The following NXF3 variants were observed in gnomAD, a reference collection of about 807,000 sequenced individuals.
NXF3 encodes the protein nuclear RNA export factor 3.
A neutral mutation model predicts 48.4 loss-of-function variants in NXF3; 34 were observed. That is an observed-to-expected ratio of 0.70 (90% CI 0.53 to 0.93). The LOEUF (loss-of-function observed/expected upper bound fraction) is 0.93, where lower values mean the gene tolerates loss of function less well. Ranked by LOEUF, NXF3 falls within the 40% of genes least tolerant of loss-of-function variation. The pLI, the probability that NXF3 is intolerant of heterozygous loss-of-function variation, is 0.00. For missense variants in NXF3, 359 were observed against 406.1 expected (o/e 0.88, Z 1.00); for synonymous variants, 132 against 145.7 (o/e 0.91, Z 0.68).
At chrX:103,086,529 G>A (rs1200033108) in intron 1 of NXF3, among the ~76,000 whole-genome samples, 1 of 110,221 alleles carries the variant, frequency 9.1e-6, no homozygotes, top group Non-Finnish European at 1.9e-5. Flanking sequence ...CATTTCAAAG[G>A]AGAGGTGTGG....
chrX:103,084,755 C>T lies in NXF3; in HGVS notation c.157G>A (p.Ala53Thr). ...SSSHQQQDGD[A>T]AMHGAHMDSP... ...TCCATGTGGGCACCATGCATTGCTG[C>T]ATCTCCATCTTGCTGCTGATGGGAT... is the stretch of plus-strand genomic sequence containing the variant. The change falls in exon 2 of 20, where the codon GCA becomes ACA. Residue 53 changes from alanine to threonine, a missense_variant. Coordinates refer to ENST00000395065, the MANE Select transcript of NXF3 (RefSeq NM_022052.2). 8.3e-7 allele frequency: 1 copy of T among 1,211,863 alleles called. No homozygotes were observed.
intron 2 of NXF3, 26 bp downstream of exon 2, chrX:103,084,689 A>C (rs1289817154): frequency 5.0e-6 from 6 of 1,198,218 alleles, no homozygotes; most frequent in Non-Finnish European, 6.8e-6. Context: ...GGTACATTCC[A>C]GCCATGCTGA....
intron 1 of NXF3, chrX:103,089,418 G>A: frequency 4.3e-6 from 1 of 234,863 alleles, no homozygotes. Flanking sequence ...ATAGTAAGGA[G>A]GTAAAATACA....
At chrX:103,091,835 A>G (rs1004170968) in intron 1 of NXF3, among the ~76,000 whole-genome samples, 10 of 109,000 alleles carry the variant, frequency 9.2e-5, no homozygotes, top group African/African-American at 3.3e-4. Context: ...AATACAAAAA[A>G]TTAGCCAGGC....
intron 17 of NXF3, 105 bp downstream of exon 17, chrX:103,078,455 C>T (rs890505017): frequency 1.5e-5 from 17 of 1,113,384 alleles, no homozygotes; most frequent in East Asian, 6.0e-5. Flanking sequence ...ACTAGACTGT[C>T]GGTTTTTTAC....
chrX:103,077,573 C>G, intron 18 of NXF3, 41 bp downstream of exon 18: 1 of 1,204,279 alleles, frequency 8.3e-7, no homozygotes, highest in Middle Eastern at 2.3e-4. Flanking sequence ...TCTGAGGCAA[C>G]TGGTAGTTCA....
chrX:103,080,449 C>T (rs1305934166), intron 10 of NXF3, 127 bp downstream of exon 10: 1 of 725,056 alleles, frequency 1.4e-6, no homozygotes, highest in East Asian at 3.2e-5. Flanking sequence ...ATTCCCTTCC[C>T]CCACTCCCTT....
intron 18 of NXF3, 67 bp downstream of exon 18, chrX:103,077,547 C>T (rs1168261647): frequency 2.9e-5 from 34 of 1,169,377 alleles, no homozygotes; most frequent in Non-Finnish European, 3.9e-5. Flanking sequence ...CCACCGCGCC[C>T]GGCCCAGCAC....
chrX:103,089,128 A>C, intron 1 of NXF3: 1 of 831,634 alleles, frequency 1.2e-6, no homozygotes, highest in African/African-American at 2.0e-5. Flanking sequence ...ATACTGGAAA[A>C]ACACTAACTA....
At chrX:103,087,346 G>A in intron 1 of NXF3, 1 of 1,201,670 alleles carries the variant, frequency 8.3e-7, no homozygotes, top group Non-Finnish European at 1.1e-6. Context: ...CATTCATACT[G>A]GTCAAAAGCC....
intron 1 of NXF3, among the ~76,000 whole-genome samples, chrX:103,085,600 T>A (rs1922124014): frequency 9.0e-6 from 1 of 111,560 alleles, no homozygotes; most frequent in African/African-American, 3.3e-5. Flanking sequence ...AAAGAGAGAA[T>A]TTAAAAAGAT....
chrX:103,088,675 A>T (rs1458007650), intron 1 of NXF3: 2 of 929,123 alleles, frequency 2.2e-6, no homozygotes, highest in African/African-American at 3.9e-5. Flanking sequence ...CCAAACTAAA[A>T]AGACACTATT....
intron 9 of NXF3, 133 bp from the exon 10 acceptor site, chrX:103,080,745 A>T: frequency 1.7e-6 from 1 of 575,485 alleles, no homozygotes. Context: ...CTGCCTCTGC[A>T]GCCCTGGGCA....
At chrX:103,080,903 G>A in intron 9 of NXF3, 1 of 345,988 alleles carries the variant, frequency 2.9e-6, no homozygotes. Context: ...CCGTCAGTCT[G>A]CCTGTCCTGG....
Position 103,079,276 on chromosome X carries a change from A to G in NXF3, c.1336-13T>C. 2.5e-6 allele frequency: 3 copies of G among 1,211,369 alleles called. No individual in the cohort carries two copies. The highest frequency in any genetic ancestry group is 4.6e-4 in the Middle Eastern group (2 of 4,352). ...AGAGCATCCATTCCTGAAAGGGAAG[A>G]TCTCAGGTGCTCAGGATCCCCCTTA... is the stretch of plus-strand genomic sequence containing the variant. On this transcript the variant is annotated splice_polypyrimidine_tract_variant and intron_variant, in intron 15 of 19. Coordinates refer to ENST00000395065, the MANE Select transcript of NXF3 (RefSeq NM_022052.2).
intron 1 of NXF3, among the ~76,000 whole-genome samples, chrX:103,090,625 G>C (rs982892709): frequency 2.7e-5 from 3 of 111,978 alleles, no homozygotes; most frequent in Non-Finnish European, 5.6e-5. Context: ...TTGAGAATGT[G>C]GATAAAAGAA....
chrX:103,082,336 C>T lies in NXF3; in HGVS notation c.809G>A (p.Trp270Ter). 2 of 1,207,342 alleles carry T rather than the reference C, an allele frequency of 1.7e-6. No homozygotes were observed. Among genetic ancestry groups the T allele is most frequent in the Non-Finnish European group, 2.2e-6 (2 of 892,042 alleles). ...CTTCTCTCCTGGCTCTATCCCTTTC[C>T]ACTTGTCCATCTCCCCTGCAGACAT... ...TVMSAGEMDK[W>*]KGIEPGEKCA... Residue 270 changes from tryptophan (W) to a stop codon, truncating the protein, a stop_gained, in exon 9 of 20, where the codon TGG (tryptophan) becomes TAG (stop). Coordinates refer to ENST00000395065, the MANE Select transcript of NXF3 (RefSeq NM_022052.2). LOFTEE classifies it high-confidence loss of function.
intron 1 of NXF3, among the ~76,000 whole-genome samples, chrX:103,089,912 C>CT (rs200600538): frequency 0.018 from 1,862 of 101,518 alleles, 50 homozygotes; most frequent in African/African-American, 0.06. Context: ...TTTTTTTTTT[C>CT]TTTTTTTTTT....
At position 103,082,311 on chromosome X, in the gene NXF3, C is replaced by T. The variant is rs2147592902; in HGVS notation, c.834G>A (p.Lys278=). 1 of 1,210,561 alleles carries T rather than the reference C, an allele frequency of 8.3e-7. No homozygotes were observed. Among genetic ancestry groups the T allele is most frequent in the East Asian group, 3.0e-5 (1 of 33,800 alleles). Reference sequence around the variant, plus strand: ...TGCACACTGGGCTTCTGTCCGCACACTTCTCTCCTGGCTCTATCCCTTTCC... The same window carrying T: ...TGCACACTGGGCTTCTGTCCGCACATTTCTCTCCTGGCTCTATCCCTTTCC... ...DKWKGIEPGE[K]CADRSPVCTT... Residue 278 remains lysine, a synonymous_variant, in exon 9 of 20, where the codon AAG becomes AAA. Coordinates refer to ENST00000395065, the MANE Select transcript of NXF3 (RefSeq NM_022052.2).
Sources: gnomAD v4.1 joint callset for allele counts (sites outside exome capture counted in the v4.1 genomes callset) on GRCh38, gnomAD v4.1.1 for gene constraint, MANE v1.5 for transcripts, NCBI Gene and HGNC (gene_info 2026-07-23, HGNC 2026-07-21) for gene names.